The following CNTNAP3B variants were observed in gnomAD, a reference collection of about 807,000 sequenced individuals.
The protein encoded by CNTNAP3B is contactin associated protein family member 3B.
Under a neutral mutation model 108.9 loss-of-function variants are expected in CNTNAP3B, and 25 were observed. The observed-to-expected ratio is 0.23, with a 90% confidence interval of 0.17 to 0.32. The LOEUF is 0.32. Among genes scored for constraint, CNTNAP3B ranks in the 10% least tolerant of loss-of-function variants. The pLI is 1.00. For missense variants in CNTNAP3B, 252 were observed against 1,210.4 expected, an observed-to-expected ratio of 0.21 and a Z score of 11.75; for synonymous variants, 103 against 473.4, an observed-to-expected ratio of 0.22 and a Z score of 10.16.
rs1828435452 is a variant in CNTNAP3B, at chr9:42,120,473, G to C, written c.85+8537C>G. Among the ~76,000 whole-genome samples the C allele has an allele frequency of 2.2e-5, 3 of 137,798 alleles. 1 individual carries two copies. The highest frequency in any genetic ancestry group is 2.4e-4 in the South Asian group (1 of 4,206). The allele number at this position is 137,798 out of a possible 152,430, so 90.4% of individuals were successfully genotyped here. A position where few individuals can be genotyped will look rare whatever the true frequency, so the allele number is the denominator to read the frequency against. ...TTTGACCCAGCCATCCCATTACTGGGTATATACCCAAAGGATTATAAATCA... is the reference window on the plus strand; with the variant it reads ...TTTGACCCAGCCATCCCATTACTGGCTATATACCCAAAGGATTATAAATCA... On this transcript the variant is annotated intron_variant, in intron 1 of 23. Coordinates refer to ENST00000377561, the MANE Select transcript of CNTNAP3B (RefSeq NM_001201380.3).
At chr9:42,060,974 ATTTT>A (rs996971665) in intron 3 of CNTNAP3B, among the ~76,000 whole-genome samples, 1 of 88,542 alleles carries the variant, frequency 1.1e-5, no homozygotes. Context: ...ACTTTTATGG[ATTTT>A]TTTTATTGTT....
At chr9:41,958,216 TCCCACCTCAGCCTC>T (rs1824932106) in intron 12 of CNTNAP3B, among the ~76,000 whole-genome samples, 1 of 152,290 alleles carries the variant, frequency 6.6e-6, no homozygotes, top group Non-Finnish European at 1.5e-5. Flanking sequence ...CAAGCGATCC[TCCCACCTCAGCCTC>T]CCAAGTAGCT....
intron 12 of CNTNAP3B, among the ~76,000 whole-genome samples, chr9:41,959,435 AT>A (rs1238846856): frequency 9.2e-5 from 14 of 152,284 alleles, no homozygotes; most frequent in African/African-American, 3.1e-4. Context: ...CATTAGCTAG[AT>A]TTTGTCAGTA....
chr9:42,057,373 T>C (rs1827094789), intron 3 of CNTNAP3B, among the ~76,000 whole-genome samples: 1 of 85,876 alleles, frequency 1.2e-5, no homozygotes, highest in South Asian at 3.7e-4. Context: ...CCCAGCTAAT[T>C]TCTGTATTTT....
At chr9:42,104,268 A>G (rs1255975145) in intron 2 of CNTNAP3B, among the ~76,000 whole-genome samples, 1 of 86,500 alleles carries the variant, frequency 1.2e-5, no homozygotes, top group Non-Finnish European at 2.4e-5. Context: ...CAAAATGTAT[A>G]CTGTGGCAGA....
intron 3 of CNTNAP3B, among the ~76,000 whole-genome samples, chr9:42,057,550 C>A (rs1827098841): frequency 7.9e-6 from 1 of 126,418 alleles, no homozygotes; most frequent in African/African-American, 3.2e-5. Flanking sequence ...TTTTCAATTT[C>A]TTGTTGCCAG....
chr9:41,938,975 A>T (rs1824245382), intron 13 of CNTNAP3B, among the ~76,000 whole-genome samples: 2 of 152,094 alleles, frequency 1.3e-5, no homozygotes, highest in African/African-American at 4.8e-5. Flanking sequence ...CTCATCTCTG[A>T]GGTTAGAAAT....
chr9:42,041,801 A>T (rs1826764808), intron 3 of CNTNAP3B, among the ~76,000 whole-genome samples: 1 of 141,570 alleles, frequency 7.1e-6, no homozygotes, highest in South Asian at 2.3e-4. Flanking sequence ...GTTTATTGCG[A>T]CACTATCTGC....
chr9:41,982,284 A>G (rs1438525672), intron 9 of CNTNAP3B, among the ~76,000 whole-genome samples: 13 of 70,794 alleles, frequency 1.8e-4, no homozygotes, highest in Non-Finnish European at 2.5e-4. Flanking sequence ...TAAACAGACA[A>G]CCTACTGGAA....
At chr9:42,097,304 A>G (rs1422010263) in intron 2 of CNTNAP3B, among the ~76,000 whole-genome samples, 1 of 139,882 alleles carries the variant, frequency 7.1e-6, no homozygotes, top group East Asian at 2.2e-4. Flanking sequence ...GTTAGTTCCA[A>G]TTTTCAAACA....
chr9:41,935,492 C>T (rs1824130040), intron 14 of CNTNAP3B, among the ~76,000 whole-genome samples: 1 of 152,406 alleles, frequency 6.6e-6, no homozygotes, highest in Non-Finnish European at 1.5e-5. Context: ...CTTATGTCTA[C>T]ACCTTAATCT....
chr9:42,021,926 G>C (rs1231408467), intron 3 of CNTNAP3B, among the ~76,000 whole-genome samples: 1 of 128,202 alleles, frequency 7.8e-6, no homozygotes. Context: ...CCCCCTTCTT[G>C]CCCTTGACCT....
In CNTNAP3B at chr9:41,929,690, G is replaced by A. The variant is rs1002335112; in HGVS notation, c.2238-246C>T. Among the ~76,000 whole-genome samples, 5 of 137,406 alleles carry A rather than the reference G, an allele frequency of 3.6e-5. 1 individual carries two copies. Among genetic ancestry groups the A allele is most frequent in the African/African-American group, 1.2e-4 (4 of 34,462 alleles). The allele number at this position is 137,406 out of a possible 152,430, so 90.1% of individuals were successfully genotyped here. A position where few individuals can be genotyped will look rare whatever the true frequency, so the allele number is the denominator to read the frequency against. On this transcript the variant is annotated intron_variant, in intron 14 of 23. Coordinates refer to ENST00000377561, the MANE Select transcript of CNTNAP3B (RefSeq NM_001201380.3). ...CTTCTCACAGCAACTACTTAACTCT[G>A]CCACCAAGTGTGAAAGCAGCCACAG... is the stretch of plus-strand genomic sequence containing the variant.
At chr9:41,968,484 T>A (rs1825348298) in intron 10 of CNTNAP3B, among the ~76,000 whole-genome samples, 1 of 141,178 alleles carries the variant, frequency 7.1e-6, no homozygotes, top group Non-Finnish European at 1.5e-5. Context: ...AATCTCAAGG[T>A]CAAGAATGAG....
chr9:42,030,810 AG>A lies in CNTNAP3B; in HGVS notation c.391-17286del, dbSNP rs1826508751. On this transcript the variant is annotated intron_variant, in intron 3 of 23. Coordinates refer to ENST00000377561, the MANE Select transcript of CNTNAP3B (RefSeq NM_001201380.3). ...ATGTGTGCGAGAGAGAGAGAGAGAG[AG>A]AGGAGAGAGAGAGAGAGAGAGAGAG... is the stretch of plus-strand genomic sequence containing the variant. 3.8e-5 allele frequency among the ~76,000 whole-genome samples: 3 copies of A among 79,766 alleles called. 1 individual carries two copies. The highest frequency in any genetic ancestry group is 5.2e-5 in the African/African-American group (1 of 19,324). 52.3% of individuals were successfully genotyped at this position (79,766 alleles called of 152,430 possible). A position where few individuals can be genotyped will look rare whatever the true frequency, so the allele number is the denominator to read the frequency against.
intron 1 of CNTNAP3B, among the ~76,000 whole-genome samples, chr9:42,112,156 T>C (rs150167941): frequency 1.4e-5 from 2 of 139,982 alleles, no homozygotes; most frequent in Non-Finnish European, 3.1e-5. Flanking sequence ...CATGCACCAA[T>C]GCTCCTTGAC....
At chr9:41,941,433 A>G (rs1587126593) in intron 13 of CNTNAP3B, among the ~76,000 whole-genome samples, 1 of 151,146 alleles carries the variant, frequency 6.6e-6, no homozygotes, top group Admixed American at 6.6e-5. Flanking sequence ...GAACAAAAAT[A>G]CTAGAACAGG....
intron 1 of CNTNAP3B, among the ~76,000 whole-genome samples, chr9:42,113,622 A>C (rs1416156395): frequency 1.4e-5 from 2 of 140,040 alleles, no homozygotes; most frequent in Non-Finnish European, 3.1e-5. Context: ...AAATGTATCC[A>C]CAGCTGTGGG....
chr9:41,936,174 G>T (rs1261838273), intron 14 of CNTNAP3B, among the ~76,000 whole-genome samples: 1 of 152,304 alleles, frequency 6.6e-6, no homozygotes, highest in Non-Finnish European at 1.5e-5. Context: ...TTACTCGGGA[G>T]GCTGAGGCAG....
Sources: allele counts gnomAD v4.1 joint callset (sites outside exome capture counted in the v4.1 genomes callset), GRCh38; gene constraint gnomAD v4.1.1; transcripts MANE v1.5; gene names NCBI Gene and HGNC (gene_info 2026-07-23, HGNC 2026-07-21).